Variants in ZFPM1 observed in about 807,000 individuals in gnomAD.
ZFPM1 encodes zinc finger protein ZFPM1.
ZFPM1 carries 28 observed loss-of-function variants against 46.3 expected under a neutral mutation model. The observed-to-expected ratio is 0.60, with a 90% CI of 0.45 to 0.83. The LOEUF (loss-of-function observed/expected upper bound fraction) is 0.83. ZFPM1 is among the 40% of genes least tolerant of loss of function. The probability of loss-of-function intolerance (pLI) is 0.00; values close to 1 mark genes in which losing one functional copy is unlikely to be tolerated. For synonymous variants in ZFPM1, 957 were observed against 675.9 expected, an observed-to-expected ratio of 1.42 and a Z score of -6.45; for missense variants, 1,878 against 1,432.4, an observed-to-expected ratio of 1.31 and a Z score of -5.02.
rs139180969 is a variant in ZFPM1 at position 88,455,118 on chromosome 16, A to G, written c.40+1440A>G. Among the ~76,000 whole-genome samples the G allele has an allele frequency of 7.1e-3, 1,045 of 147,392 alleles. 9 individuals carry two copies. The highest frequency in any genetic ancestry group is 0.024 in the African/African-American group (968 of 39,716). ...TTTTTCCTTCCTTCCCTGAGCGCCT[A>G]TGTTCGGTTCTGGGGTGTGTGTGTG... is the stretch of plus-strand genomic sequence containing the variant. On this transcript the variant is annotated intron_variant, in intron 1 of 9. Coordinates refer to ENST00000319555, the MANE Select transcript of ZFPM1 (RefSeq NM_153813.3).
At chr16:88,460,770 A>G (rs1179092251) in intron 1 of ZFPM1, among the ~76,000 whole-genome samples, 2 of 151,880 alleles carry the variant, frequency 1.3e-5, no homozygotes, top group African/African-American at 2.4e-5. Flanking sequence ...TTTGGAGCAG[A>G]CCCCTGGTCC....
chr16:88,528,159 C>T lies in ZFPM1; in HGVS notation c.633C>T (p.Cys211=), dbSNP rs35121729. 138,923 of 1,608,132 alleles carry T rather than the reference C, an allele frequency of 0.086. 8,285 individuals carry two copies. The highest frequency in any genetic ancestry group is 0.35 in the East Asian group (15,811 of 44,712). The part of the protein sequence containing the change: ...PVKKEPAEPT[C]PAPAHDLQLL... Reference sequence around the variant, plus strand: ...AGAAGGAGCCAGCAGAGCCCACGTGCCCGGCCCCTGCACACGACCTCCAGC... The same window carrying T: ...AGAAGGAGCCAGCAGAGCCCACGTGTCCGGCCCCTGCACACGACCTCCAGC... The change falls in exon 6 of 10, where the codon TGC becomes TGT. Residue 211 remains cysteine (C), a synonymous_variant. Transcript: ENST00000319555.
upstream of ZFPM1, among the ~76,000 whole-genome samples, chr16:88,452,403 C>G (rs917208390): frequency 2.6e-5 from 4 of 152,266 alleles, no homozygotes; most frequent in Admixed American, 2.6e-4. Flanking sequence ...CTTCGTGGGT[C>G]TCCTGCGGGG....
chr16:88,456,535 G>A (rs1907568841), intron 1 of ZFPM1, among the ~76,000 whole-genome samples: 1 of 152,210 alleles, frequency 6.6e-6, no homozygotes, highest in East Asian at 1.9e-4. Flanking sequence ...CTGGGTCCCA[G>A]TGGCAAACGA....
chr16:88,509,905 C>T (rs140689892), intron 3 of ZFPM1, among the ~76,000 whole-genome samples: 264 of 152,248 alleles, frequency 1.7e-3, no homozygotes, highest in African/African-American at 5.8e-3. Flanking sequence ...GGTTCCTGCG[C>T]TGGGCACTGT....
chr16:88,519,110 GTGGATGGATGGA>G (rs543049777), intron 4 of ZFPM1, among the ~76,000 whole-genome samples: 6 of 128,212 alleles, frequency 4.7e-5, no homozygotes, highest in Admixed American at 2.4e-4. Flanking sequence ...GGGTGGATGG[GTGGATGGATGGA>G]TGGATGGGTG....
intron 6 of ZFPM1, among the ~76,000 whole-genome samples, chr16:88,529,091 G>A (rs1912575491): frequency 6.6e-6 from 1 of 152,262 alleles, no homozygotes; most frequent in Non-Finnish European, 1.5e-5. Context: ...GCCAGACTGG[G>A]CAACACAGAA....
rs189408382 is a variant in ZFPM1 at position 88,453,619 on chromosome 16, G to C, written c.-20G>C. 0.1 allele frequency: 113,824 copies of C among 1,105,696 alleles called. 6,306 individuals are homozygous for C. Among genetic ancestry groups the C allele is most frequent in the Non-Finnish European group, 0.11 (99,419 of 896,072 alleles). 68.5% of individuals were successfully genotyped at this position (1,105,696 alleles called of 1,614,324 possible). A position where few individuals can be genotyped will look rare whatever the true frequency, so the allele number is the denominator to read the frequency against. On this transcript the variant is annotated 5_prime_UTR_variant, in exon 1 of 10. Coordinates refer to ENST00000319555, the MANE Select transcript of ZFPM1 (RefSeq NM_153813.3). Reference sequence around the variant, plus strand: ...CCGGGGCTAGAGGCGGCCGCCGGGAGGGCGCGCGGCGCCGGAGACATGTCC... The same window carrying C: ...CCGGGGCTAGAGGCGGCCGCCGGGACGGCGCGCGGCGCCGGAGACATGTCC...
At chr16:88,467,972 G>A (rs1049991581) in intron 1 of ZFPM1, among the ~76,000 whole-genome samples, 25 of 151,698 alleles carry the variant, frequency 1.6e-4, no homozygotes, top group African/African-American at 6.1e-4. Context: ...GAACAAAAGT[G>A]AGAACACACT....
intron 3 of ZFPM1, among the ~76,000 whole-genome samples, chr16:88,504,450 G>C (rs1253125292): frequency 1.3e-5 from 2 of 152,006 alleles, no homozygotes; most frequent in Non-Finnish European, 2.9e-5. Flanking sequence ...CCAAGGCCCA[G>C]GACCCAGGGT....
rs1365894404 is a variant in ZFPM1 at position 88,534,065 on chromosome 16, C to A, written c.2107C>A (p.Arg703=). The A allele has an allele frequency of 1.6e-6, 2 of 1,283,820 alleles. No homozygotes were observed. The highest frequency in any genetic ancestry group is 1.0e-6 in the Non-Finnish European group (1 of 995,420). The allele number at this position is 1,283,820 out of a possible 1,614,324, so 79.5% of individuals were successfully genotyped here. A position where few individuals can be genotyped will look rare whatever the true frequency, so the allele number is the denominator to read the frequency against. ...CCACGAGACCTACACCGTGCACAAGCGGTACTACTGCGCCTCGCGCCACGA... is the reference window on the plus strand; with the variant it reads ...CCACGAGACCTACACCGTGCACAAGAGGTACTACTGCGCCTCGCGCCACGA... ...SRHETYTVHK[R]YYCASRHDPP... is the part of the protein sequence containing the mutation. The change falls in exon 10 of 10, where the codon CGG becomes AGG. Residue 703 remains arginine, a synonymous_variant. Coordinates refer to ENST00000319555, the MANE Select transcript of ZFPM1 (RefSeq NM_153813.3).
rs36024491 is a variant in ZFPM1, at chr16:88,469,183, C to T, written c.40+15505C>T. On this transcript the variant is annotated intron_variant, in intron 1 of 9. Transcript: ENST00000319555. The surrounding 1 kb of genome is among the most constrained non-coding windows in gnomAD (Gnocchi z 4.3). Reference sequence around the variant, plus strand: ...GACCCTCCTGCAGGCTGCCCCCCACCGCTCCACCCTCTCCCCGCGCTGACT... The same window carrying T: ...GACCCTCCTGCAGGCTGCCCCCCACTGCTCCACCCTCTCCCCGCGCTGACT... Among the ~76,000 whole-genome samples, 59,789 of 152,102 alleles carry T rather than the reference C, an allele frequency of 0.39. 13,282 individuals carry two copies. The highest frequency in any genetic ancestry group is 0.6 in the African/African-American group (24,982 of 41,464).
chr16:88,481,405 C>T (rs972451565), intron 1 of ZFPM1, among the ~76,000 whole-genome samples: 1 of 152,106 alleles, frequency 6.6e-6, no homozygotes, highest in African/African-American at 2.4e-5. Flanking sequence ...CCCCAAGTTC[C>T]TGTCCCACCA....
rs559772457 is a variant in ZFPM1, at chr16:88,485,984, G to T, written c.86G>T (p.Gly29Val). Reference protein sequence around the residue: ...MEAREEVQLVGASHMEQKATA... With the variant: ...MEAREEVQLVVASHMEQKATA... Reference sequence around the variant, plus strand: ...GCCAGAGAGGAGGTGCAGTTGGTGGGTGCCAGCCACATGGAGCAAAAGGCC... The same window carrying T: ...GCCAGAGAGGAGGTGCAGTTGGTGGTTGCCAGCCACATGGAGCAAAAGGCC... The change falls in exon 2 of 10, where the codon GGT becomes GTT. Residue 29 changes from glycine to valine, a missense_variant. Physicochemically the swap from Gly to Val is moderately radical, Grantham distance 109 (BLOSUM62 -3). Coordinates refer to ENST00000319555, the MANE Select transcript of ZFPM1 (RefSeq NM_153813.3). The T allele has an allele frequency of 8.7e-6, 14 of 1,612,854 alleles. No individual in the cohort carries two copies. In the African/African-American group the frequency reaches 1.5e-4, roughly 17 times the overall value.
intron 3 of ZFPM1, among the ~76,000 whole-genome samples, chr16:88,493,346 CCTGTCCCGGGGTGGGGAGAG>C (rs1567537607): frequency 2.3e-4 from 11 of 47,594 alleles, no homozygotes; most frequent in African/African-American, 7.0e-4. Flanking sequence ...GGTGGGGAGA[CCTGTCCCGGGGTGGGGAGAG>C]CTGTCCCGGG....
chr16:88,501,589 T>G (rs796610114), intron 3 of ZFPM1, among the ~76,000 whole-genome samples: 5,314 of 60,782 alleles, frequency 0.087, 819 homozygotes, highest in East Asian at 0.13. Flanking sequence ...TGTGGGTGCA[T>G]GGGCTCTCCC....
In ZFPM1 at chr16:88,534,358, G is replaced by A. The variant is rs1194315892; in HGVS notation, c.2400G>A (p.Lys800=). 2.8e-6 allele frequency: 4 copies of A among 1,422,086 alleles called. No individual in the cohort carries two copies. Among genetic ancestry groups the A allele is most frequent in the Non-Finnish European group, 3.7e-6 (4 of 1,091,242 alleles). 88.1% of individuals were successfully genotyped at this position (1,422,086 alleles called of 1,614,324 possible). Residue 800 remains lysine, a synonymous_variant, in exon 10 of 10, where the codon AAG becomes AAA. Transcript: ENST00000319555. ...AADGPIDLSK[K]PRRPLPGAPA... ...ACGGCCCCATCGACCTGAGCAAGAA[G>A]CCGCGGCGCCCGCTCCCCGGAGCCC... is the stretch of plus-strand genomic sequence containing the variant.
At chr16:88,532,325 C>A in intron 7 of ZFPM1, 90 bp downstream of exon 7, 1 of 1,267,492 alleles carries the variant, frequency 7.9e-7, no homozygotes, top group Non-Finnish European at 1.1e-6. Flanking sequence ...CACATGCAAG[C>A]ACACACGGTG....
intron 1 of ZFPM1, among the ~76,000 whole-genome samples, chr16:88,479,006 C>T (rs1219148841): frequency 6.6e-6 from 1 of 152,228 alleles, no homozygotes; most frequent in African/African-American, 2.4e-5. Context: ...GCCTGGGCTC[C>T]CCAGTGGGTA....
Sources: gnomAD v4.1 joint callset for allele counts (sites outside exome capture counted in the v4.1 genomes callset) on GRCh38, gnomAD v4.1.1 for gene constraint, Gnocchi (gnomAD v3.1) non-coding constraint, MANE v1.5 for transcripts, NCBI Gene and HGNC (gene_info 2026-07-23, HGNC 2026-07-21) for gene names.